GRIK2: variants seen among roughly 807,000 people sequenced by gnomAD.
GRIK2 encodes the protein glutamate receptor ionotropic, kainate 2.
A neutral mutation model predicts 100.3 loss-of-function variants in GRIK2; 32 were observed. The observed-to-expected ratio is 0.32, with a 90% confidence interval of 0.24 to 0.43. The LOEUF is 0.43. Ranked by LOEUF, GRIK2 falls within the 20% of genes least tolerant of loss-of-function variation. The pLI, the probability that GRIK2 is intolerant of heterozygous loss-of-function variation, is 1.00. For synonymous variants in GRIK2, 417 were observed against 389.4 expected, an observed-to-expected ratio of 1.07 and a Z score of -0.83; for missense variants, 843 against 1,114.9, an observed-to-expected ratio of 0.76 and a Z score of 3.47.
intron 14 of GRIK2, among the ~76,000 whole-genome samples, chr6:101,946,310 G>C (rs12192251): frequency 0.077 from 11,659 of 151,968 alleles, 625 homozygotes; most frequent in Middle Eastern, 0.19. Flanking sequence ...TTGGGGCAAT[G>C]CTATAAACAT....
chr6:101,818,900 T>G (rs1781789341), intron 10 of GRIK2, among the ~76,000 whole-genome samples: 1 of 152,134 alleles, frequency 6.6e-6, no homozygotes, highest in Admixed American at 6.6e-5. Context: ...TTTCAGAATT[T>G]TTTCTCATTA....
At chr6:101,636,342 G>C (rs183642201) in intron 4 of GRIK2, among the ~76,000 whole-genome samples, 2 of 152,070 alleles carry the variant, frequency 1.3e-5, no homozygotes, top group African/African-American at 2.4e-5. Flanking sequence ...ACACACTGGG[G>C]CCTGTCAGGG....
chr6:101,864,995 T>C (rs777396197), intron 11 of GRIK2, among the ~76,000 whole-genome samples: 1 of 152,258 alleles, frequency 6.6e-6, no homozygotes, highest in Non-Finnish European at 1.5e-5. Flanking sequence ...TGTTTTAATA[T>C]AATTAACCAT....
intron 15 of GRIK2, among the ~76,000 whole-genome samples, chr6:102,048,701 G>A (rs746404495): frequency 2.6e-5 from 4 of 152,004 alleles, no homozygotes; most frequent in Non-Finnish European, 4.4e-5. Context: ...ATAATGTATT[G>A]GAGTAATGAC....
chr6:101,469,863 T>C (rs1476239605), intron 2 of GRIK2, among the ~76,000 whole-genome samples: 1 of 152,192 alleles, frequency 6.6e-6, no homozygotes, highest in African/African-American at 2.4e-5. Flanking sequence ...AATAGTCCTC[T>C]TTCTTTCTCT....
chr6:102,064,092 A>G (rs757915148), intron 16 of GRIK2: 1 of 836,648 alleles, frequency 1.2e-6, no homozygotes, highest in Non-Finnish European at 2.0e-6. Context: ...GTAGTCTGTT[A>G]TATTAATGTG....
At chr6:101,793,259 G>T (rs990806271) in intron 7 of GRIK2, among the ~76,000 whole-genome samples, 3 of 152,180 alleles carry the variant, frequency 2.0e-5, no homozygotes, top group African/African-American at 7.2e-5. Context: ...GAGGAACTGC[G>T]TTCCTTTGGA....
At chr6:101,506,925 T>C (rs1436326818) in intron 2 of GRIK2, among the ~76,000 whole-genome samples, 1 of 152,160 alleles carries the variant, frequency 6.6e-6, no homozygotes, top group African/African-American at 2.4e-5. Flanking sequence ...TTTAGTATCA[T>C]TAAAGCAATG....
In GRIK2 at chr6:101,759,942, C is replaced by T. The variant is rs1440188963; in HGVS notation, c.952-39706C>T. Among the ~76,000 whole-genome samples, 2 of 126,588 alleles carry T rather than the reference C, an allele frequency of 1.6e-5. 1 individual carries two copies. The highest frequency in any genetic ancestry group is 7.8e-5 in the African/African-American group (2 of 25,690). The allele number at this position is 126,588 out of a possible 152,430, so 83.0% of individuals were successfully genotyped here. ...CAGGCCGGACTGCGGACTGCAGTGG[C>T]GCAATCTCGGCTCACTTCCCGGGTT... is the stretch of plus-strand genomic sequence containing the variant. On this transcript the variant is annotated intron_variant, in intron 7 of 16. Transcript: ENST00000369134.
chr6:102,007,318 G>GT (rs1440432979), intron 14 of GRIK2, among the ~76,000 whole-genome samples: 1 of 152,144 alleles, frequency 6.6e-6, no homozygotes, highest in Non-Finnish European at 1.5e-5. Flanking sequence ...AATTCATAGT[G>GT]TGAGTTTGAG....
chr6:101,795,825 G>T (rs1780266272), intron 7 of GRIK2, among the ~76,000 whole-genome samples: 1 of 152,190 alleles, frequency 6.6e-6, no homozygotes, highest in Non-Finnish European at 1.5e-5. Context: ...CCTGATGGGT[G>T]CATGGGAATA....
chr6:101,579,030 T>A (rs886721353), intron 2 of GRIK2, among the ~76,000 whole-genome samples: 8 of 152,160 alleles, frequency 5.3e-5, no homozygotes, highest in Non-Finnish European at 1.0e-4. Flanking sequence ...TAGCAAAATA[T>A]TGTTAAATAA....
chr6:101,622,683 T>C (rs888503565), intron 3 of GRIK2, among the ~76,000 whole-genome samples: 23 of 152,028 alleles, frequency 1.5e-4, no homozygotes, highest in African/African-American at 5.5e-4. Flanking sequence ...ATGTAAAAAC[T>C]GAATTATATA....
chr6:101,567,778 A>G (rs1160252583), intron 2 of GRIK2, among the ~76,000 whole-genome samples: 1 of 151,990 alleles, frequency 6.6e-6, no homozygotes, highest in East Asian at 1.9e-4. Context: ...CAACTTATTG[A>G]ATACTACCAT....
intron 2 of GRIK2, among the ~76,000 whole-genome samples, chr6:101,481,278 A>C (rs1203658184): frequency 1.3e-5 from 2 of 152,202 alleles, no homozygotes; most frequent in Non-Finnish European, 2.9e-5. Flanking sequence ...AAATTAATGC[A>C]GAAGGCTATT....
At chr6:101,401,187 AAAG>A (rs1307197792) in intron 2 of GRIK2, among the ~76,000 whole-genome samples, 2 of 152,184 alleles carry the variant, frequency 1.3e-5, no homozygotes, top group Non-Finnish European at 2.9e-5. Context: ...TAGATGGAAA[AAAG>A]AAGACTTGGA....
At chr6:101,616,545 TAA>T (rs1454861488) in intron 2 of GRIK2, among the ~76,000 whole-genome samples, 2 of 151,798 alleles carry the variant, frequency 1.3e-5, no homozygotes, top group Non-Finnish European at 2.9e-5. Flanking sequence ...ATAGTTTCTG[TAA>T]AAAGTCTTTT....
chr6:101,810,886 T>C (rs73512753), intron 9 of GRIK2, among the ~76,000 whole-genome samples: 9,837 of 152,132 alleles, frequency 0.065, 341 homozygotes, highest in African/African-American at 0.089. Context: ...TTGTATTGGC[T>C]TGAGAAACCC....
At chr6:101,580,703 T>C (rs1262652012) in intron 2 of GRIK2, among the ~76,000 whole-genome samples, 1 of 152,054 alleles carries the variant, frequency 6.6e-6, no homozygotes, top group African/African-American at 2.4e-5. Context: ...GTTCCTACCA[T>C]CTTTCTCTTC....
Sources: gnomAD v4.1 joint callset for allele counts (sites outside exome capture counted in the v4.1 genomes callset) on GRCh38, gnomAD v4.1.1 for gene constraint, MANE v1.5 for transcripts, NCBI Gene and HGNC (gene_info 2026-07-23, HGNC 2026-07-21) for gene names.